The following RCAN2 variants were observed in gnomAD, a reference collection of about 807,000 sequenced individuals.
RCAN2 encodes regulator of calcineurin 2.
RCAN2 carries 9 observed loss-of-function variants against 23.6 expected under a neutral mutation model. The observed-to-expected ratio is 0.38, with a 90% CI of 0.23 to 0.67. The LOEUF is 0.67. Among genes scored for constraint, RCAN2 ranks in the 30% least tolerant of loss-of-function variants. The pLI is 0.51. For synonymous variants in RCAN2, 109 were observed against 115.7 expected (o/e 0.94, Z 0.37); for missense variants, 273 against 302.3 (o/e 0.90, Z 0.72).
At chr6:46,229,891 C>T (rs1765818418) in intron 4 of RCAN2, among the ~76,000 whole-genome samples, 2 of 152,204 alleles carry the variant, frequency 1.3e-5, no homozygotes, top group African/African-American at 4.8e-5. Flanking sequence ...GCTCTGGTTT[C>T]TCCCCATCTT....
intron 2 of RCAN2, among the ~76,000 whole-genome samples, chr6:46,268,794 T>C (rs186894168): frequency 5.9e-5 from 9 of 152,344 alleles, no homozygotes; most frequent in Admixed American, 5.2e-4. Context: ...TCCCTAATTT[T>C]GGAGTTCAGA....
intron 2 of RCAN2, among the ~76,000 whole-genome samples, chr6:46,281,261 A>C (rs1195793122): frequency 6.6e-6 from 1 of 152,190 alleles, no homozygotes; most frequent in Non-Finnish European, 1.5e-5. Flanking sequence ...ATCTGCCTTT[A>C]TTATAGGGGT....
rs1766834202 is a variant in RCAN2 at position 46,420,098 on chromosome 6, G to C, written c.225+36654C>G. On this transcript the variant is annotated intron_variant, in intron 2 of 4. Transcript: ENST00000371374. ...TTTAATATTATCCCTTCTACAACCA[G>C]TTTTCCTATGAAGTTAGGAGTTAAG... 3.3e-5 allele frequency among the ~76,000 whole-genome samples: 5 copies of C among 151,828 alleles called. 1 individual carries two copies. The South Asian group carries it at 1.0e-3, about 32-fold the overall frequency.
intron 2 of RCAN2, among the ~76,000 whole-genome samples, chr6:46,316,638 G>A (rs1327770801): frequency 2.0e-5 from 3 of 152,214 alleles, no homozygotes; most frequent in East Asian, 1.9e-4. Context: ...ATCTGAGGCC[G>A]TGACCATAGA....
In RCAN2 at chr6:46,393,447, C is replaced by A. The variant is rs1765994202; in HGVS notation, c.225+63305G>T. Among the ~76,000 whole-genome samples the A allele has an allele frequency of 5.3e-5, 8 of 152,234 alleles. No individual in the cohort carries two copies. The South Asian group carries it at 1.7e-3, about 32-fold the overall frequency. Reference sequence around the variant, plus strand: ...AGTAAGTGTTCAATAAAAATGATAGCCACCCCCACCCTTTGTCAGATCTTC... The same window carrying A: ...AGTAAGTGTTCAATAAAAATGATAGACACCCCCACCCTTTGTCAGATCTTC... On this transcript the variant is annotated intron_variant, in intron 2 of 4. Transcript: ENST00000371374.
At chr6:46,325,742 T>C (rs1490542561) in intron 2 of RCAN2, 14 of 1,269,566 alleles carry the variant, frequency 1.1e-5, no homozygotes, top group African/African-American at 4.6e-5. Context: ...TATTTTTTTT[T>C]CTCCAAGCCT....
intron 2 of RCAN2, among the ~76,000 whole-genome samples, chr6:46,374,767 T>C (rs1765414127): frequency 6.6e-6 from 1 of 152,174 alleles, no homozygotes; most frequent in Non-Finnish European, 1.5e-5. Flanking sequence ...TTTGTAAGCA[T>C]ACAATTTGGA....
chr6:46,318,377 G>A (rs1474375770), intron 2 of RCAN2, among the ~76,000 whole-genome samples: 1 of 152,126 alleles, frequency 6.6e-6, no homozygotes, highest in African/African-American at 2.4e-5. Flanking sequence ...AAAGGATCAA[G>A]ACCTTTTTGA....
chr6:46,465,358 TCA>T (rs1459265842), intron 1 of RCAN2, among the ~76,000 whole-genome samples: 1 of 152,192 alleles, frequency 6.6e-6, no homozygotes, highest in Non-Finnish European at 1.5e-5. Context: ...AGTCAAGGTC[TCA>T]CAGGAAACAG....
At chr6:46,435,040 G>T (rs1767329288) in intron 2 of RCAN2, among the ~76,000 whole-genome samples, 1 of 152,144 alleles carries the variant, frequency 6.6e-6, no homozygotes, top group East Asian at 1.9e-4. Flanking sequence ...TCGTTGCGAT[G>T]CATTATTTAT....
At chr6:46,420,245 C>T (rs934943494) in intron 2 of RCAN2, among the ~76,000 whole-genome samples, 8 of 151,540 alleles carry the variant, frequency 5.3e-5, no homozygotes, top group African/African-American at 1.9e-4. Flanking sequence ...TCACTAAAAT[C>T]CATGCAAGAC....
At chr6:46,423,564 C>T (rs908621457) in intron 2 of RCAN2, among the ~76,000 whole-genome samples, 15 of 152,184 alleles carry the variant, frequency 9.9e-5, no homozygotes, top group African/African-American at 3.4e-4. Flanking sequence ...GAAGTCAATA[C>T]TCAGGGTTTC....
rs1765466901 is a variant in RCAN2 at position 46,221,255 on chromosome 6, G to A, written c.*1886C>T. ...TTAGAACCTGCATTCTGGAAATTCA[G>A]GGTAGCTTAAAAAATCAAGTCAAAT... On this transcript the variant is annotated 3_prime_UTR_variant, in exon 5 of 5. Coordinates refer to ENST00000371374, the MANE Select transcript of RCAN2 (RefSeq NM_001251974.2). 6.6e-6 allele frequency: 1 copy of A among 152,514 alleles called. No individual in the cohort carries two copies. The highest frequency in any genetic ancestry group is 6.5e-5 in the Admixed American group (1 of 15,270). 9.4% of individuals were successfully genotyped at this position (152,514 alleles called of 1,614,324 possible). A position where few individuals can be genotyped will look rare whatever the true frequency, so the allele number is the denominator to read the frequency against.
intron 2 of RCAN2, among the ~76,000 whole-genome samples, chr6:46,413,094 C>G (rs1766593167): frequency 6.6e-6 from 1 of 152,130 alleles, no homozygotes; most frequent in Non-Finnish European, 1.5e-5. Flanking sequence ...ACTGTAGATT[C>G]AACTTTTACT....
At position 46,263,549 on chromosome 6, in the gene RCAN2, G is replaced by A. The variant is rs1034665667; in HGVS notation, c.226-14653C>T. 4.7e-3 allele frequency among the ~76,000 whole-genome samples: 651 copies of A among 137,840 alleles called. 6 individuals are homozygous for A. Among genetic ancestry groups the A allele is most frequent in the African/African-American group, 0.016 (598 of 36,274 alleles). The allele number at this position is 137,840 out of a possible 152,430, so 90.4% of individuals were successfully genotyped here. Reference sequence around the variant, plus strand: ...TGTGTGTGTGTGTGTATGTGTGTGTGTGTGTGTGTGTATGTGTGTGTGTGT... The same window carrying A: ...TGTGTGTGTGTGTGTATGTGTGTGTATGTGTGTGTGTATGTGTGTGTGTGT... On this transcript the variant is annotated intron_variant, in intron 2 of 4. Coordinates refer to ENST00000371374, the MANE Select transcript of RCAN2 (RefSeq NM_001251974.2).
At chr6:46,453,775 G>T (rs938226049) in intron 2 of RCAN2, among the ~76,000 whole-genome samples, 1 of 151,964 alleles carries the variant, frequency 6.6e-6, no homozygotes, top group African/African-American at 2.4e-5. Context: ...CCCAACTATG[G>T]AAGTTAAATG....
intron 2 of RCAN2, among the ~76,000 whole-genome samples, chr6:46,422,960 G>T (rs1347294790): frequency 6.6e-6 from 1 of 152,156 alleles, no homozygotes. Flanking sequence ...CCAACTTCTT[G>T]TCAAGTATGC....
chr6:46,383,602 C>T (rs1233935902), intron 2 of RCAN2, among the ~76,000 whole-genome samples: 1 of 152,078 alleles, frequency 6.6e-6, no homozygotes, highest in Non-Finnish European at 1.5e-5. Flanking sequence ...CTATAAGCTG[C>T]ATTGTGCAAT....
At chr6:46,476,840 C>T (rs780203794) in intron 1 of RCAN2, among the ~76,000 whole-genome samples, 3 of 152,060 alleles carry the variant, frequency 2.0e-5, no homozygotes, top group East Asian at 1.9e-4. Context: ...CAAGATGAGG[C>T]GCTGGTTGCC....
Sources: allele counts gnomAD v4.1 joint callset (sites outside exome capture counted in the v4.1 genomes callset), GRCh38; gene constraint gnomAD v4.1.1; transcripts MANE v1.5; gene names NCBI Gene and HGNC (gene_info 2026-07-23, HGNC 2026-07-21).